The following STOM variants were observed in gnomAD, a reference collection of about 807,000 sequenced individuals.
STOM encodes stomatin, also known as erythrocyte band 7 integral membrane protein.
Under a neutral mutation model 30.6 loss-of-function variants are expected in STOM, and 25 were observed. The observed-to-expected ratio is 0.82, with a 90% CI of 0.60 to 1.14. The LOEUF is 1.14. Ranked by LOEUF, STOM falls within the 50% of genes most tolerant of loss-of-function variation. The probability of loss-of-function intolerance (pLI) is 0.00; values close to 1 mark genes in which losing one functional copy is unlikely to be tolerated. For missense variants in STOM, 292 were observed against 365.2 expected, an observed-to-expected ratio of 0.80 and a Z score of 1.63; for synonymous variants, 118 against 130.8, an observed-to-expected ratio of 0.90 and a Z score of 0.67.
In STOM at chr9:121,340,109, CTA is replaced by C; in HGVS notation, c.*1091_*1092del. 1.0e-6 allele frequency: 1 copy of C among 980,376 alleles called. No individual in the cohort carries two copies. The highest frequency in any genetic ancestry group is 1.2e-6 in the Non-Finnish European group (1 of 825,474). The allele number at this position is 980,376 out of a possible 1,614,324, so 60.7% of individuals were successfully genotyped here. A position where few individuals can be genotyped will look rare whatever the true frequency, so the allele number is the denominator to read the frequency against. On this transcript the variant is annotated 3_prime_UTR_variant, in exon 7 of 7. Coordinates refer to ENST00000286713, the MANE Select transcript of STOM (RefSeq NM_004099.6). ...AGAAAATTTTATTAAAAAATTAAAA[CTA>C]TTTAAAACCTGATATATGAAAATAG...
intron 1 of STOM, among the ~76,000 whole-genome samples, chr9:121,361,845 G>C (rs546533311): frequency 6.6e-6 from 1 of 152,128 alleles, no homozygotes; most frequent in South Asian, 2.1e-4. Flanking sequence ...CACAGGAAAG[G>C]GTTGGGGAAC....
intron 1 of STOM, chr9:121,366,265 CAGAG>C (rs1324314823): frequency 1.0e-5 from 10 of 984,892 alleles, no homozygotes; most frequent in African/African-American, 1.8e-5. Context: ...TCCCAGCAGA[CAGAG>C]AAAGATTAAA....
Position 121,340,006 on chromosome 9 carries a change from C to T in STOM, c.*1196G>A, listed in dbSNP as rs1251255700. 3.0e-6 allele frequency: 3 copies of T among 990,374 alleles called. No individual in the cohort carries two copies. In the African/African-American group the frequency reaches 5.2e-5, roughly 17 times the overall value. The allele number at this position is 990,374 out of a possible 1,614,324, so 61.3% of individuals were successfully genotyped here. A position where few individuals can be genotyped will look rare whatever the true frequency, so the allele number is the denominator to read the frequency against. ...GCAGATAGTAAAATATAATGGTTTC[C>T]TGAAGTTATCTCTTAAAAAAGTATT... On this transcript the variant is annotated 3_prime_UTR_variant, in exon 7 of 7. Transcript: ENST00000286713.
At chr9:121,369,726 G>T (rs1004696202) in intron 1 of STOM, among the ~76,000 whole-genome samples, 1 of 152,156 alleles carries the variant, frequency 6.6e-6, no homozygotes, top group Non-Finnish European at 1.5e-5. Context: ...GGCGGCCTTC[G>T]AGAGAGTGAG....
chr9:121,362,699 G>A (rs988479375), intron 1 of STOM, among the ~76,000 whole-genome samples: 2 of 152,122 alleles, frequency 1.3e-5, no homozygotes, highest in East Asian at 1.9e-4. Context: ...ACATACATGA[G>A]TATTTATAAT....
intron 1 of STOM, among the ~76,000 whole-genome samples, chr9:121,357,424 G>GATATTGATATAT (rs1554831050): frequency 1.0e-5 from 1 of 95,414 alleles, no homozygotes; most frequent in African/African-American, 3.2e-5. Context: ...ATTTTTAAAT[G>GATATTGATATAT]ATATATATAT....
chr9:121,348,222 G>T (rs1031614357), intron 5 of STOM, 73 bp from the exon 6 acceptor site: 1 of 1,599,400 alleles, frequency 6.3e-7, no homozygotes, highest in Non-Finnish European at 8.5e-7. Flanking sequence ...GTATTCATTG[G>T]GATTTGGAGG....
intron 1 of STOM, among the ~76,000 whole-genome samples, chr9:121,356,667 A>T (rs940420893): frequency 6.6e-6 from 1 of 152,162 alleles, no homozygotes; most frequent in Non-Finnish European, 1.5e-5. Flanking sequence ...TGAAGGATGT[A>T]ATAGTAAGAA....
intron 6 of STOM, among the ~76,000 whole-genome samples, chr9:121,343,151 G>A (rs1217968644): frequency 6.6e-6 from 1 of 152,128 alleles, no homozygotes; most frequent in African/African-American, 2.4e-5. Context: ...AAGATTCAAG[G>A]TAGTTACTTT....
intron 4 of STOM, among the ~76,000 whole-genome samples, chr9:121,351,634 A>G (rs1213263549): frequency 6.6e-6 from 1 of 152,244 alleles, no homozygotes; most frequent in Non-Finnish European, 1.5e-5. Context: ...TTCGGGGGCT[A>G]TGAGGGAGCT....
intron 1 of STOM, chr9:121,369,863 G>A (rs1195080457): frequency 6.3e-6 from 3 of 478,094 alleles, no homozygotes; most frequent in Non-Finnish European, 1.1e-5. Context: ...CCTGGCATGG[G>A]GCTTGGCATC....
chr9:121,346,713 A>G (rs2064293023), intron 6 of STOM, among the ~76,000 whole-genome samples: 1 of 152,224 alleles, frequency 6.6e-6, no homozygotes. Context: ...CTACCAGGTT[A>G]TCATCACAAA....
chr9:121,339,809 G>A lies in STOM; in HGVS notation c.*1393C>T, dbSNP rs1352772946. On this transcript the variant is annotated 3_prime_UTR_variant, in exon 7 of 7. Transcript: ENST00000286713. Reference sequence around the variant, plus strand: ...TTCAGCATCAATATACATGATAGAAGAATGACTAGGTAAATTTAAAAAGAC... The same window carrying A: ...TTCAGCATCAATATACATGATAGAAAAATGACTAGGTAAATTTAAAAAGAC... 6.3e-5 allele frequency: 76 copies of A among 1,209,654 alleles called. No homozygotes were observed. Among genetic ancestry groups the A allele is most frequent in the Non-Finnish European group, 7.7e-5 (75 of 974,796 alleles). 74.9% of individuals were successfully genotyped at this position (1,209,654 alleles called of 1,614,324 possible).
intron 2 of STOM, 93 bp from the exon 3 acceptor site, chr9:121,354,766 T>G: frequency 1.2e-6 from 1 of 868,078 alleles, no homozygotes; most frequent in Non-Finnish European, 1.7e-6. Context: ...CTAAACAGAT[T>G]AGATGCCTCA....
chr9:121,356,192 G>T, intron 1 of STOM, 36 bp from the exon 2 acceptor site: 1 of 1,546,680 alleles, frequency 6.5e-7, no homozygotes, highest in Non-Finnish European at 8.9e-7. Context: ...TCTCACAACT[G>T]TTACTAGCAT....
chr9:121,357,745 A>G (rs2064409185), intron 1 of STOM, among the ~76,000 whole-genome samples: 1 of 152,040 alleles, frequency 6.6e-6, no homozygotes, highest in Non-Finnish European at 1.5e-5. Context: ...GCCTTAAATC[A>G]TATTTTTAAA....
intron 5 of STOM, among the ~76,000 whole-genome samples, chr9:121,348,893 C>T (rs1328206710): frequency 6.6e-6 from 1 of 152,000 alleles, no homozygotes; most frequent in African/African-American, 2.4e-5. Flanking sequence ...GAAAAAAATA[C>T]ACACTGAAGA....
In STOM at chr9:121,344,349, ACT is replaced by A. The variant is rs2064271585; in HGVS notation, c.661-2943_661-2942del. On this transcript the variant is annotated intron_variant, in intron 6 of 6. Transcript: ENST00000286713. ...TATCATCTCAGATGTCCAATTAGGC[ACT>A]TTTTTCTTTGGACATGGACCAACTG... 5.3e-5 allele frequency among the ~76,000 whole-genome samples: 8 copies of A among 152,240 alleles called. No homozygotes were observed. In the South Asian group the frequency reaches 1.7e-3, roughly 32 times the overall value.
At chr9:121,365,065 G>A (rs2064489650) in intron 1 of STOM, among the ~76,000 whole-genome samples, 1 of 151,906 alleles carries the variant, frequency 6.6e-6, no homozygotes, top group Non-Finnish European at 1.5e-5. Context: ...GACACTTAGT[G>A]TATATAACAG....
Sources: allele counts gnomAD v4.1 joint callset (sites outside exome capture counted in the v4.1 genomes callset), GRCh38; gene constraint gnomAD v4.1.1; transcripts MANE v1.5; gene names NCBI Gene and HGNC (gene_info 2026-07-23, HGNC 2026-07-21).